The following C8orf34 variants were observed in gnomAD, a reference collection of about 807,000 sequenced individuals.
C8orf34 encodes uncharacterized protein C8orf34.
In C8orf34, 65 loss-of-function variants were observed where a neutral mutation model predicts 68.3. The observed-to-expected ratio is 0.95, with a 90% CI of 0.78 to 1.17. The LOEUF (loss-of-function observed/expected upper bound fraction) is 1.17, where lower values mean the gene tolerates loss of function less well. Ranked by LOEUF, C8orf34 falls within the 50% of genes most tolerant of loss-of-function variation. C8orf34 has a pLI of 0.00. For synonymous variants in C8orf34, 244 were observed against 241.2 expected, an observed-to-expected ratio of 1.01 and a Z score of -0.11; for missense variants, 664 against 655.4, an observed-to-expected ratio of 1.01 and a Z score of -0.14.
chr8:68,411,856 T>C (rs1809457849), intron 1 of C8orf34, among the ~76,000 whole-genome samples: 1 of 152,218 alleles, frequency 6.6e-6, no homozygotes, highest in Non-Finnish European at 1.5e-5. Flanking sequence ...TGCTGTTGAC[T>C]GAATGTTTGT....
rs571877731 is a variant in C8orf34, at chr8:68,435,413, G to A, written c.328-4086G>A. ...GGAAATGCTGCTGAAGTTTGAGGGG[G>A]TATCACCAAAAGTCAGAGGGGCTGA... On this transcript the variant is annotated intron_variant, in intron 1 of 13. Coordinates refer to ENST00000518698, the MANE Select transcript of C8orf34 (RefSeq NM_052958.4). Among the ~76,000 whole-genome samples the A allele has an allele frequency of 8.2e-4, 124 of 152,068 alleles. 1 individual carries two copies. The highest frequency in any genetic ancestry group is 3.4e-3 in the Middle Eastern group (1 of 294).
chr8:68,632,772 A>G (rs905162979), intron 7 of C8orf34, among the ~76,000 whole-genome samples: 22 of 152,150 alleles, frequency 1.4e-4, no homozygotes, highest in Middle Eastern at 3.2e-3. Flanking sequence ...AGCTCAAACT[A>G]TGGCTTAAGA....
In C8orf34 at chr8:68,772,683, TTCCC is replaced by T. The variant is rs577645630; in HGVS notation, c.1405-3697_1405-3694del. 5.2e-3 allele frequency among the ~76,000 whole-genome samples: 785 copies of T among 151,526 alleles called. 2 individuals are homozygous for T. The highest frequency in any genetic ancestry group is 0.01 in the Middle Eastern group (3 of 292). ...CTTTCTTTCTTCCTTCTTTCTTTCT[TTCCC>T]TCCCTCCCTCCCTCCCTCTCTTTCT... is the stretch of plus-strand genomic sequence containing the variant. On this transcript the variant is annotated intron_variant, in intron 10 of 13. Transcript: ENST00000518698.
rs1402116828 is a variant in C8orf34 at position 68,665,692 on chromosome 8, C to A, written c.1241+25181C>A. Among the ~76,000 whole-genome samples, 2 of 152,200 alleles carry A rather than the reference C, an allele frequency of 1.3e-5. 1 individual carries two copies. The highest frequency in any genetic ancestry group is 2.9e-5 in the Non-Finnish European group (2 of 68,038). ...CTGTTTCTCCTGACTGATGTGGGCT[C>A]CACACAGACCTATTTATTCAGGTCC... On this transcript the variant is annotated intron_variant, in intron 8 of 13. Coordinates refer to ENST00000518698, the MANE Select transcript of C8orf34 (RefSeq NM_052958.4).
chr8:68,345,016 A>G (rs1168715504), intron 1 of C8orf34, among the ~76,000 whole-genome samples: 1 of 152,112 alleles, frequency 6.6e-6, no homozygotes, highest in African/African-American at 2.4e-5. Context: ...CACATTAAAG[A>G]CATCACATGA....
intron 3 of C8orf34, among the ~76,000 whole-genome samples, chr8:68,464,298 G>A (rs1235547365): frequency 2.6e-5 from 4 of 152,174 alleles, no homozygotes; most frequent in South Asian, 4.1e-4. Context: ...TGAAATAAAA[G>A]AGGATACAAA....
At chr8:68,494,718 T>G (rs1813451102) in intron 5 of C8orf34, among the ~76,000 whole-genome samples, 1 of 151,842 alleles carries the variant, frequency 6.6e-6, no homozygotes, top group Non-Finnish European at 1.5e-5. Flanking sequence ...GAGTCGGGCA[T>G]GGTGGCGGGC....
intron 12 of C8orf34, among the ~76,000 whole-genome samples, chr8:68,804,840 T>C: frequency 6.6e-6 from 1 of 152,076 alleles, no homozygotes; most frequent in East Asian, 1.9e-4. Context: ...CAAGCTAGAT[T>C]AAGATGAGGA....
At chr8:68,671,151 G>A (rs143384707) in intron 8 of C8orf34, among the ~76,000 whole-genome samples, 24 of 152,194 alleles carry the variant, frequency 1.6e-4, no homozygotes, top group African/African-American at 4.6e-4. Context: ...GAGTTAAGGC[G>A]GAAAATATGA....
chr8:68,748,124 A>G (rs1436159173), intron 10 of C8orf34, among the ~76,000 whole-genome samples: 2 of 141,252 alleles, frequency 1.4e-5, no homozygotes, highest in African/African-American at 5.5e-5. Context: ...TGAGAAAAAC[A>G]AGCAATGGGG....
chr8:68,390,914 T>C (rs1163827009), intron 1 of C8orf34, among the ~76,000 whole-genome samples: 2 of 152,142 alleles, frequency 1.3e-5, no homozygotes, highest in Non-Finnish European at 2.9e-5. Context: ...TTTCTTCTTC[T>C]TCAGGAAAGC....
At chr8:68,465,532 C>T (rs1481622182) in intron 3 of C8orf34, among the ~76,000 whole-genome samples, 1 of 152,068 alleles carries the variant, frequency 6.6e-6, no homozygotes, top group Non-Finnish European at 1.5e-5. Context: ...TTCACAATAG[C>T]AAAGTCTTGG....
intron 1 of C8orf34, among the ~76,000 whole-genome samples, chr8:68,424,276 G>A (rs542182783): frequency 2.0e-5 from 3 of 152,256 alleles, no homozygotes; most frequent in African/African-American, 7.2e-5. Flanking sequence ...AGCTGTCATT[G>A]AAACTAAAGC....
intron 7 of C8orf34, among the ~76,000 whole-genome samples, chr8:68,579,884 AAC>A (rs1817012250): frequency 6.6e-6 from 1 of 152,158 alleles, no homozygotes; most frequent in Non-Finnish European, 1.5e-5. Context: ...GACTGCCTGA[AAC>A]ACATTCTCAA....
intron 1 of C8orf34, among the ~76,000 whole-genome samples, chr8:68,425,257 A>C (rs540566387): frequency 3.3e-5 from 5 of 152,186 alleles, no homozygotes; most frequent in Non-Finnish European, 7.4e-5. Flanking sequence ...ATTGCTATTC[A>C]ACATATTTCT....
intron 3 of C8orf34, among the ~76,000 whole-genome samples, chr8:68,462,840 G>C (rs1392396843): frequency 6.6e-6 from 1 of 151,940 alleles, no homozygotes; most frequent in East Asian, 1.9e-4. Context: ...AAGAAAGCAG[G>C]AAAGATCCAA....
chr8:68,332,003 A>T (rs1031312930), intron 1 of C8orf34, among the ~76,000 whole-genome samples: 1 of 150,706 alleles, frequency 6.6e-6, no homozygotes, highest in Non-Finnish European at 1.5e-5. Flanking sequence ...CAGACCCCAC[A>T]TGTGTTAGCA....
chr8:68,602,273 T>C (rs1230921998), intron 7 of C8orf34, among the ~76,000 whole-genome samples: 2 of 152,180 alleles, frequency 1.3e-5, no homozygotes, highest in Non-Finnish European at 2.9e-5. Flanking sequence ...CAGCCCCTGC[T>C]GACACCATTG....
chr8:68,461,937 A>G (rs1387974922), intron 3 of C8orf34, among the ~76,000 whole-genome samples: 3 of 152,218 alleles, frequency 2.0e-5, no homozygotes, highest in Non-Finnish European at 4.4e-5. Context: ...TTCACACATA[A>G]CAATATTACC....
Sources: allele counts gnomAD v4.1 joint callset (sites outside exome capture counted in the v4.1 genomes callset), GRCh38; gene constraint gnomAD v4.1.1; transcripts MANE v1.5; gene names NCBI Gene and HGNC (gene_info 2026-07-23, HGNC 2026-07-21).